NAV3: variants seen among roughly 807,000 people sequenced by gnomAD.
The protein encoded by NAV3 is pore membrane and/or filament interacting like protein 1.
NAV3 carries 87 observed loss-of-function variants against 244.7 expected under a neutral mutation model. That is an observed-to-expected ratio of 0.36 (90% CI 0.30 to 0.42). NAV3 has a LOEUF of 0.42. Among genes scored for constraint, NAV3 ranks in the 20% least tolerant of loss-of-function variants. The pLI is 1.00. For missense variants in NAV3, 2,663 were observed against 2,893.3 expected, an observed-to-expected ratio of 0.92 and a Z score of 1.83; for synonymous variants, 1,126 against 1,042.2, an observed-to-expected ratio of 1.08 and a Z score of -1.55.
intron 16 of NAV3, among the ~76,000 whole-genome samples, chr12:78,125,888 A>C (rs904817760): frequency 6.6e-6 from 1 of 152,214 alleles, no homozygotes; most frequent in Non-Finnish European, 1.5e-5. Flanking sequence ...GTTTGGCAGA[A>C]GAATACCAAC....
Position 77,860,028 on chromosome 12 carries a change from A to G in NAV3, c.243+28324A>G, listed in dbSNP as rs570148462. Among the ~76,000 whole-genome samples, 24 of 152,070 alleles carry G rather than the reference A, an allele frequency of 1.6e-4. No individual in the cohort carries two copies. The East Asian group carries it at 4.6e-3, about 29-fold the overall frequency. On this transcript the variant is annotated intron_variant, in intron 1 of 39. Coordinates refer to ENST00000397909, the MANE Select transcript of NAV3 (RefSeq NM_001024383.2). ...GTATGTTAAAAAGAATGTGGTAGCTATATATGAACTGATAATGAAATAGCC... is the reference window on the plus strand; with the variant it reads ...GTATGTTAAAAAGAATGTGGTAGCTGTATATGAACTGATAATGAAATAGCC...
chr12:77,868,328 C>A (rs1226561566), intron 1 of NAV3, among the ~76,000 whole-genome samples: 1 of 151,876 alleles, frequency 6.6e-6, no homozygotes, highest in South Asian at 2.1e-4. Flanking sequence ...AATATAATAA[C>A]GTATGTTATT....
intron 2 of NAV3, among the ~76,000 whole-genome samples, chr12:77,733,231 C>T (rs973065438): frequency 1.3e-5 from 2 of 151,558 alleles, no homozygotes; most frequent in Non-Finnish European, 2.9e-5. Flanking sequence ...TAAGGAGGTA[C>T]GTTTAATAAG....
intron 2 of NAV3, among the ~76,000 whole-genome samples, chr12:77,675,637 T>C (rs1874171431): frequency 6.6e-6 from 1 of 152,200 alleles, no homozygotes; most frequent in South Asian, 2.1e-4. Context: ...TTTGAACATT[T>C]AGGCAATCCT....
intron 13 of NAV3, among the ~76,000 whole-genome samples, chr12:78,117,451 C>T (rs1955468971): frequency 9.1e-6 from 1 of 109,896 alleles, no homozygotes. Context: ...TAGATAACTA[C>T]ACCACCAAGC....
At chr12:77,931,525 C>A (rs1888790161) in intron 1 of NAV3, among the ~76,000 whole-genome samples, 1 of 151,946 alleles carries the variant, frequency 6.6e-6, no homozygotes, top group Non-Finnish European at 1.5e-5. Flanking sequence ...TTTTATCAAA[C>A]CCCTGGTAAA....
intron 38 of NAV3, among the ~76,000 whole-genome samples, chr12:78,203,000 C>T (rs1474533286): frequency 3.9e-5 from 6 of 151,946 alleles, no homozygotes; most frequent in South Asian, 4.1e-4. Flanking sequence ...CAGATGAAGG[C>T]GGATTTTTTT....
chr12:77,856,616 T>C (rs551342319), intron 1 of NAV3, among the ~76,000 whole-genome samples: 1 of 152,258 alleles, frequency 6.6e-6, no homozygotes, highest in South Asian at 2.1e-4. Context: ...TTTGAAATGA[T>C]GTAATTAAAA....
At chr12:78,003,073 T>C (rs1873582174) in intron 7 of NAV3, among the ~76,000 whole-genome samples, 1 of 151,050 alleles carries the variant, frequency 6.6e-6, no homozygotes, top group Non-Finnish European at 1.5e-5. Context: ...ATGTGCAGAA[T>C]GAACAGCTCT....
chr12:78,136,496 T>C (rs779089149), intron 18 of NAV3, among the ~76,000 whole-genome samples: 3 of 152,176 alleles, frequency 2.0e-5, no homozygotes, highest in Non-Finnish European at 2.9e-5. Flanking sequence ...TCTTTGGAAA[T>C]ATAACATGTT....
intron 8 of NAV3, among the ~76,000 whole-genome samples, chr12:78,016,257 A>T (rs886312350): frequency 2.0e-5 from 3 of 151,876 alleles, no homozygotes; most frequent in Non-Finnish European, 2.9e-5. Context: ...ATACACACAC[A>T]TACATACATA....
chr12:78,201,072 C>CTT (rs549973376), intron 38 of NAV3, among the ~76,000 whole-genome samples: 10,355 of 90,204 alleles, frequency 0.11, 1,161 homozygotes, highest in African/African-American at 0.27. Context: ...TCTTCTCCTT[C>CTT]TTTTTTTTTT....
rs541946656 is a variant in NAV3, at chr12:77,972,310, G to C, written c.671+3608G>C. On this transcript the variant is annotated intron_variant, in intron 5 of 39. Coordinates refer to ENST00000397909, the MANE Select transcript of NAV3 (RefSeq NM_001024383.2). The stretch of plus-strand genomic sequence containing the variant: ...CCTGGATCTGTATTAAAGTAAAGGT[G>C]GGATTCAGATTTTAAGTTTCTTAAA... Among the ~76,000 whole-genome samples, 2 of 152,188 alleles carry C rather than the reference G, an allele frequency of 1.3e-5. 1 individual carries two copies. Among genetic ancestry groups the C allele is most frequent in the South Asian group, 4.1e-4 (2 of 4,820 alleles).
chr12:77,632,068 G>C (rs914812432), intron 2 of NAV3, among the ~76,000 whole-genome samples: 7 of 135,246 alleles, frequency 5.2e-5, no homozygotes, highest in African/African-American at 1.3e-4. Flanking sequence ...GAAGGATTGA[G>C]TTGAGGTGGG....
intron 8 of NAV3, among the ~76,000 whole-genome samples, chr12:78,018,959 T>A (rs1388492591): frequency 2.6e-5 from 4 of 152,196 alleles, no homozygotes; most frequent in Admixed American, 2.6e-4. Flanking sequence ...GGGGAGGGAC[T>A]GTCAGTAGAT....
Position 78,050,987 on chromosome 12 carries a change from C to T in NAV3, c.2356C>T (p.Arg786Cys), listed in dbSNP as rs774139179. 29 of 1,613,946 alleles carry T rather than the reference C, an allele frequency of 1.8e-5. No individual in the cohort carries two copies. The highest frequency in any genetic ancestry group is 3.3e-5 in the Admixed American group (2 of 59,998). ...GAGGTTCATGTATACCACGCCTCTC[C>T]GTCGAGCTGCTGTCTCTAGGCTGGG... ...PSRFMYTTPLRRAAVSRLGNM... is the reference protein window; with the variant it reads ...PSRFMYTTPLCRAAVSRLGNM... The change falls in exon 11 of 40, where the codon CGT becomes TGT. Residue 786 changes from arginine to cysteine, a missense_variant. By Grantham distance (180) the Arg-to-Cys change is radical. Transcript: ENST00000397909.
chr12:77,945,787 G>A (rs753713646), intron 3 of NAV3, among the ~76,000 whole-genome samples: 50 of 151,774 alleles, frequency 3.3e-4, no homozygotes, highest in Non-Finnish European at 5.2e-4. Context: ...TCGCTGTGTC[G>A]CCCAAGCTGG....
intron 2 of NAV3, among the ~76,000 whole-genome samples, chr12:77,662,992 A>G (rs1873534328): frequency 2.6e-5 from 4 of 152,164 alleles, no homozygotes; most frequent in Admixed American, 2.6e-4. Context: ...AAAAATGCTT[A>G]TGCCTTATTA....
intron 3 of NAV3, among the ~76,000 whole-genome samples, chr12:77,963,885 C>T (rs1289131955): frequency 3.8e-5 from 1 of 26,348 alleles, no homozygotes; most frequent in East Asian, 4.5e-3. Context: ...CCTTCCTTCT[C>T]CTTCCTTCTC....
Sources: allele counts gnomAD v4.1 joint callset (sites outside exome capture counted in the v4.1 genomes callset), GRCh38; gene constraint gnomAD v4.1.1; transcripts MANE v1.5; gene names NCBI Gene and HGNC (gene_info 2026-07-23, HGNC 2026-07-21).